The following TMC1 variants were observed in gnomAD, a reference collection of about 807,000 sequenced individuals.
TMC1 encodes transmembrane channel-like protein 1.
In TMC1, 84 loss-of-function variants were observed where a neutral mutation model predicts 105.8. The ratio of observed to expected loss-of-function variants is 0.79; its 90% CI spans 0.67 to 0.95. The LOEUF is 0.95. Ranked by LOEUF, TMC1 falls within the 40% of genes least tolerant of loss-of-function variation. The pLI, the probability that TMC1 is intolerant of heterozygous loss-of-function variation, is 0.00. For missense variants in TMC1, 817 were observed against 914.1 expected (o/e 0.89, Z 1.37); for synonymous variants, 315 against 311.5 (o/e 1.01, Z -0.12).
intron 8 of TMC1, among the ~76,000 whole-genome samples, chr9:72,720,580 C>T (rs975806254): frequency 6.6e-6 from 1 of 152,158 alleles, no homozygotes; most frequent in East Asian, 1.9e-4. Flanking sequence ...GTACAAGCTC[C>T]ATTGGAATGA....
At chr9:72,568,191 C>A (rs1824200089) in intron 1 of TMC1, among the ~76,000 whole-genome samples, 1 of 151,918 alleles carries the variant, frequency 6.6e-6, no homozygotes, top group African/African-American at 2.4e-5. Context: ...CTTTCTCCAC[C>A]ACTTCTCAAC....
At chr9:72,601,644 CGAACA>C (rs778252729) in intron 2 of TMC1, among the ~76,000 whole-genome samples, 16 of 151,088 alleles carry the variant, frequency 1.1e-4, no homozygotes, top group African/African-American at 2.9e-4. Flanking sequence ...GACCCTGTCT[CGAACA>C]AAACAAAACA....
At chr9:72,614,349 A>G (rs1825085655) in intron 2 of TMC1, among the ~76,000 whole-genome samples, 1 of 152,232 alleles carries the variant, frequency 6.6e-6, no homozygotes, top group Non-Finnish European at 1.5e-5. Context: ...TTAAAGGTCC[A>G]TAAAGATGAG....
intron 1 of TMC1, among the ~76,000 whole-genome samples, chr9:72,544,469 A>AT (rs1823730645): frequency 7.9e-6 from 1 of 126,424 alleles, no homozygotes; most frequent in African/African-American, 3.2e-5. Flanking sequence ...TTTGTTGTTG[A>AT]TTTTTTAACT....
chr9:72,555,463 AGGC>A (rs1259558916), intron 1 of TMC1, among the ~76,000 whole-genome samples: 2 of 152,120 alleles, frequency 1.3e-5, no homozygotes, highest in Admixed American at 1.3e-4. Flanking sequence ...CTGGGATTAC[AGGC>A]GTGAGATACT....
At chr9:72,644,286 T>TG (rs1825674752) in intron 4 of TMC1, among the ~76,000 whole-genome samples, 2 of 152,186 alleles carry the variant, frequency 1.3e-5, no homozygotes, top group Middle Eastern at 3.4e-3. Flanking sequence ...GTTCACTTTA[T>TG]GTTTTTTTTT....
intron 18 of TMC1, among the ~76,000 whole-genome samples, chr9:72,811,347 C>G (rs1251310463): frequency 6.6e-6 from 1 of 152,040 alleles, no homozygotes. Context: ...GATTACCAGA[C>G]CAATGTAAGT....
intron 1 of TMC1, among the ~76,000 whole-genome samples, chr9:72,522,763 A>G (rs1274133200): frequency 2.0e-5 from 3 of 152,200 alleles, no homozygotes; most frequent in Non-Finnish European, 4.4e-5. Flanking sequence ...ATTCCTTCCT[A>G]CTGGGCACTG....
chr9:72,680,391 T>A (rs1287140712), intron 5 of TMC1, among the ~76,000 whole-genome samples: 1 of 152,128 alleles, frequency 6.6e-6, no homozygotes, highest in Non-Finnish European at 1.5e-5. Flanking sequence ...GAATTCTTTT[T>A]CATTAAGTGT....
At chr9:72,792,679 G>A (rs1241445526) in intron 17 of TMC1, among the ~76,000 whole-genome samples, 1 of 152,020 alleles carries the variant, frequency 6.6e-6, no homozygotes, top group African/African-American at 2.4e-5. Flanking sequence ...TATTTAAATG[G>A]AACTCTATTT....
chr9:72,617,200 T>G (rs1438944903), intron 3 of TMC1, among the ~76,000 whole-genome samples: 2 of 152,136 alleles, frequency 1.3e-5, no homozygotes, highest in African/African-American at 4.8e-5. Flanking sequence ...CTTGCTCTGT[T>G]GCGCAGGCTG....
chr9:72,807,145 C>T (rs529421834), intron 18 of TMC1, among the ~76,000 whole-genome samples: 54 of 152,294 alleles, frequency 3.5e-4, no homozygotes, highest in Admixed American at 1.6e-3. Context: ...CGCAGGCACT[C>T]GGCATGCTCA....
intron 4 of TMC1, among the ~76,000 whole-genome samples, chr9:72,629,210 A>G (rs1477314163): frequency 3.3e-5 from 5 of 152,164 alleles, no homozygotes; most frequent in Non-Finnish European, 7.3e-5. Flanking sequence ...TGGGAGTTTG[A>G]ACCTAAGTCT....
At chr9:72,567,709 G>A (rs1204172020) in intron 1 of TMC1, among the ~76,000 whole-genome samples, 2 of 152,062 alleles carry the variant, frequency 1.3e-5, no homozygotes, top group Admixed American at 1.3e-4. Flanking sequence ...GGTGATTATG[G>A]GAATTAAAAT....
At chr9:72,816,075 C>A in intron 18 of TMC1, 68 bp from the exon 19 acceptor site, 1 of 1,416,720 alleles carries the variant, frequency 7.1e-7, no homozygotes, top group South Asian at 1.1e-5. Flanking sequence ...CATGCCTATG[C>A]AGAACAATTT....
At chr9:72,640,788 C>T (rs374313168) in intron 4 of TMC1, among the ~76,000 whole-genome samples, 2 of 152,114 alleles carry the variant, frequency 1.3e-5, no homozygotes, top group South Asian at 2.1e-4. Flanking sequence ...CCCGCCACTA[C>T]GCCTGGCTAA....
intron 6 of TMC1, among the ~76,000 whole-genome samples, chr9:72,693,593 T>C (rs1456818268): frequency 3.3e-5 from 5 of 152,164 alleles, no homozygotes; most frequent in East Asian, 1.9e-4. Context: ...TAGTTTTCCA[T>C]TGAAATATAA....
Position 72,644,032 on chromosome 9 carries a change from G to T in TMC1, c.-52-4565G>T, listed in dbSNP as rs377061189. 2.0e-5 allele frequency among the ~76,000 whole-genome samples: 3 copies of T among 152,182 alleles called. No individual in the cohort carries two copies. The East Asian group carries it at 5.8e-4, about 29-fold the overall frequency. ...TTGCATTTCCCTAGTGTCTAGTTAT[G>T]TTGTGTCTTTACTTTTGTTTATTTG... On this transcript the variant is annotated intron_variant, in intron 4 of 23. Transcript: ENST00000297784.
chr9:72,766,702 T>C (rs1827844287), intron 12 of TMC1, among the ~76,000 whole-genome samples: 1 of 152,188 alleles, frequency 6.6e-6, no homozygotes, highest in South Asian at 2.1e-4. Flanking sequence ...GATCACTGTC[T>C]ACAGTCCTTA....
Sources: allele counts gnomAD v4.1 joint callset (sites outside exome capture counted in the v4.1 genomes callset), GRCh38; gene constraint gnomAD v4.1.1; transcripts MANE v1.5; gene names NCBI Gene and HGNC (gene_info 2026-07-23, HGNC 2026-07-21).